Variants in GAS7 observed in about 807,000 individuals in gnomAD.
GAS7 encodes the protein growth arrest-specific protein 7.
Under a neutral mutation model 71.1 loss-of-function variants are expected in GAS7, and 28 were observed. That is an observed-to-expected ratio of 0.39 (90% CI 0.29 to 0.54). GAS7 has a LOEUF of 0.54. GAS7 is among the 20% of genes least tolerant of loss of function. The pLI is 0.62. For missense variants in GAS7, 436 were observed against 627.8 expected, an observed-to-expected ratio of 0.69 and a Z score of 3.27; for synonymous variants, 258 against 245.8, an observed-to-expected ratio of 1.05 and a Z score of -0.46.
chr17:9,996,614 TATACAC>T (rs2071055971), intron 2 of GAS7, among the ~76,000 whole-genome samples: 1 of 151,028 alleles, frequency 6.6e-6, no homozygotes, highest in African/African-American at 2.4e-5. Context: ...TGTGTGTATA[TATACAC>T]ACATATATAT....
At chr17:10,188,512 A>G (rs546153042) in intron 1 of GAS7, among the ~76,000 whole-genome samples, 72 of 151,998 alleles carry the variant, frequency 4.7e-4, no homozygotes, top group African/African-American at 1.7e-3. Flanking sequence ...ATTTCCTTAC[A>G]CCCTGCCAAT....
chr17:10,079,399 C>T (rs1245458724), intron 1 of GAS7, among the ~76,000 whole-genome samples: 1 of 152,210 alleles, frequency 6.6e-6, no homozygotes, highest in Non-Finnish European at 1.5e-5. Context: ...GGGGATCAGA[C>T]ATGCTTCATT....
chr17:10,195,834 C>G (rs1415539371), intron 1 of GAS7, among the ~76,000 whole-genome samples: 1 of 152,120 alleles, frequency 6.6e-6, no homozygotes, highest in East Asian at 1.9e-4. Context: ...GCCTTGAGGT[C>G]CAACTTGCTC....
In GAS7 at chr17:9,940,160, G is replaced by A. The variant is rs2068550492; in HGVS notation, c.772C>T (p.Leu258Phe). ...TGTGAAGCCAAGGAGTTCTGAGAGA[G>A]CTTAGCTAAGTTCTTCGCATAGTCT... ...EEDYAKNLAK[L>F]SQNSLASQEE... is the part of the protein sequence containing the mutation. The change falls in exon 8 of 14, where the codon CTC (leucine) becomes TTC (phenylalanine). Residue 258 changes from leucine (L) to phenylalanine (F), a missense_variant. Transcript: ENST00000432992. The A allele has an allele frequency of 6.2e-7, 1 of 1,611,176 alleles. No individual in the cohort carries two copies. The highest frequency in any genetic ancestry group is 8.5e-7 in the Non-Finnish European group (1 of 1,177,282).
At chr17:10,193,401 T>C (rs993282212) in intron 1 of GAS7, among the ~76,000 whole-genome samples, 7 of 152,132 alleles carry the variant, frequency 4.6e-5, no homozygotes, top group African/African-American at 9.7e-5. Flanking sequence ...ATCTGTCCCA[T>C]GTATGTTCTC....
At chr17:10,193,231 T>C (rs895902716) in intron 1 of GAS7, among the ~76,000 whole-genome samples, 4 of 140,640 alleles carry the variant, frequency 2.8e-5, no homozygotes, top group South Asian at 2.3e-4. Flanking sequence ...TCGTTTATCA[T>C]GTGGCCTTTA....
At chr17:10,120,435 C>T (rs1205278772) in intron 1 of GAS7, among the ~76,000 whole-genome samples, 13 of 152,078 alleles carry the variant, frequency 8.5e-5, no homozygotes, top group Admixed American at 7.9e-4. Flanking sequence ...CCTAAGAGTA[C>T]GAGTAGAAGG....
At position 9,959,308 on chromosome 17, in the gene GAS7, T is replaced by C; in HGVS notation, c.472-53A>G. 1.2e-6 allele frequency: 2 copies of C among 1,613,046 alleles called. No homozygotes were observed. Among genetic ancestry groups the C allele is most frequent in the Non-Finnish European group, 1.7e-6 (2 of 1,179,498 alleles). ...AAAGCTGTTCTCCATATTGGACATT[T>C]TTTCCCCCCATTCAGGTTCCCTGAG... On this transcript the variant is annotated intron_variant, in intron 4 of 13. Transcript: ENST00000432992. This position sits in a 1 kb window ranked among gnomAD's most constrained non-coding sequence, Gnocchi z 5.0.
intron 1 of GAS7, among the ~76,000 whole-genome samples, chr17:10,029,665 G>A (rs560265766): frequency 1.3e-5 from 2 of 151,982 alleles, no homozygotes; most frequent in African/African-American, 2.4e-5. Flanking sequence ...ACCAACCTGC[G>A]CAACACAGCA....
intron 1 of GAS7, among the ~76,000 whole-genome samples, chr17:10,194,858 CAAAAAAAAAAA>C (rs5819269): frequency 0.4 from 34,612 of 85,894 alleles, 4,444 homozygotes; most frequent in East Asian, 0.45. Context: ...GACTCTGTCT[CAAAAAAAAAAA>C]AAAAAAAAAA....
At chr17:10,117,200 T>C (rs565009993) in intron 1 of GAS7, among the ~76,000 whole-genome samples, 2 of 152,178 alleles carry the variant, frequency 1.3e-5, no homozygotes, top group East Asian at 3.9e-4. Context: ...TTCGGCCCCT[T>C]CCTCTCGTCA....
intron 1 of GAS7, among the ~76,000 whole-genome samples, chr17:10,181,359 C>CAAAA (rs71365733): frequency 4.9e-4 from 68 of 137,836 alleles, no homozygotes; most frequent in Middle Eastern, 3.8e-3. Flanking sequence ...GACTCCACCT[C>CAAAA]AAAAAAAAAA....
chr17:10,163,049 A>T (rs2074267952), intron 1 of GAS7, among the ~76,000 whole-genome samples: 1 of 152,246 alleles, frequency 6.6e-6, no homozygotes, highest in African/African-American at 2.4e-5. Flanking sequence ...GGACAACAAA[A>T]AAATATTTTA....
rs1029754517 is a variant in GAS7, at chr17:9,926,580, C to T, written c.1014+61G>A. 1.3e-6 allele frequency: 2 copies of T among 1,572,900 alleles called. No homozygotes were observed. Among genetic ancestry groups the T allele is most frequent in the Non-Finnish European group, 1.7e-6 (2 of 1,150,464 alleles). On this transcript the variant is annotated intron_variant, in intron 10 of 13. Coordinates refer to ENST00000432992, the MANE Select transcript of GAS7 (RefSeq NM_201433.2). The surrounding 1 kb of genome is among the most constrained non-coding windows in gnomAD (Gnocchi z 5.0). ...ATGGAGCCACTGCTGGCTTCCCAGTCCCCCTTCTTCCAGGCAGTCCCCCAT... is the reference window on the plus strand; with the variant it reads ...ATGGAGCCACTGCTGGCTTCCCAGTTCCCCTTCTTCCAGGCAGTCCCCCAT...
chr17:10,090,918 T>C (rs1290504805), intron 1 of GAS7, among the ~76,000 whole-genome samples: 1 of 152,124 alleles, frequency 6.6e-6, no homozygotes, highest in African/African-American at 2.4e-5. Context: ...GCTTGAAAAG[T>C]GGGGTTCCAC....
At chr17:9,964,617 C>G (rs2069631825) in intron 4 of GAS7, among the ~76,000 whole-genome samples, 1 of 152,190 alleles carries the variant, frequency 6.6e-6, no homozygotes, top group Non-Finnish European at 1.5e-5. Context: ...GCTCATCATT[C>G]CAGTCTTAGA....
chr17:10,164,257 C>T (rs138872483), intron 1 of GAS7, among the ~76,000 whole-genome samples: 100 of 151,976 alleles, frequency 6.6e-4, no homozygotes, highest in African/African-American at 2.3e-3. Flanking sequence ...CCCTGGCAAA[C>T]GTGGTGAAAC....
intron 1 of GAS7, among the ~76,000 whole-genome samples, chr17:10,054,325 T>A (rs1313228964): frequency 6.6e-6 from 1 of 151,988 alleles, no homozygotes; most frequent in African/African-American, 2.4e-5. Flanking sequence ...ACAGCAGAGA[T>A]GGGTGGAGAC....
At chr17:9,998,506 C>T (rs1019800393) in intron 2 of GAS7, among the ~76,000 whole-genome samples, 15 of 150,500 alleles carry the variant, frequency 1.0e-4, no homozygotes, top group Middle Eastern at 3.2e-3. Context: ...AGAGAAAGAT[C>T]GCGCCCGTGA....
Sources: allele counts gnomAD v4.1 joint callset (sites outside exome capture counted in the v4.1 genomes callset), GRCh38; gene constraint gnomAD v4.1.1; non-coding constraint Gnocchi (gnomAD v3.1); transcripts MANE v1.5; gene names NCBI Gene and HGNC (gene_info 2026-07-23, HGNC 2026-07-21).